Variants in ABHD12B observed in about 807,000 individuals in gnomAD.
ABHD12B encodes abhydrolase domain containing 12B.
ABHD12B carries 42 observed loss-of-function variants against 50.4 expected under a neutral mutation model. That is an observed-to-expected ratio of 0.83 (90% confidence interval 0.65 to 1.08). The LOEUF is 1.08. ABHD12B is among the 50% of genes least tolerant of loss of function. The pLI is 0.00. For missense variants in ABHD12B, 479 were observed against 447.7 expected (o/e 1.07, Z -0.63); for synonymous variants, 167 against 160.3 (o/e 1.04, Z -0.32).
At chr14:50,889,104 T>C (rs2050082936) in intron 9 of ABHD12B, among the ~76,000 whole-genome samples, 1 of 152,234 alleles carries the variant, frequency 6.6e-6, no homozygotes, top group Non-Finnish European at 1.5e-5. Flanking sequence ...GATATTTCCT[T>C]CACTTTCTTC....
chr14:50,904,105 A>C lies in ABHD12B; in HGVS notation c.974A>C (p.Asn325Thr). 6.2e-7 allele frequency: 1 copy of C among 1,614,100 alleles called. No individual in the cohort carries two copies. Among genetic ancestry groups the C allele is most frequent in the East Asian group, 2.2e-5 (1 of 44,882 alleles). Residue 325 changes from asparagine (N) to threonine (T), a missense_variant, in exon 12 of 13, where the codon AAC becomes ACC. Asn to Thr is a moderately conservative substitution (Grantham distance 65). Transcript: ENST00000337334. ...GAAATTGCACGCAATGCATACAGGA[A>C]CAAAGAGAGGGTCAAGATGGTTATC... ...LYEIARNAYRNKERVKMVIFP... is the reference protein window; with the variant it reads ...LYEIARNAYRTKERVKMVIFP...
intron 7 of ABHD12B, among the ~76,000 whole-genome samples, chr14:50,886,177 C>T (rs1007124336): frequency 1.3e-5 from 2 of 152,142 alleles, no homozygotes; most frequent in Non-Finnish European, 2.9e-5. Flanking sequence ...GTAGCTCACA[C>T]CTGTAATTCT....
chr14:50,896,801 C>T lies in ABHD12B; in HGVS notation c.781-5028C>T, dbSNP rs549268904. Among the ~76,000 whole-genome samples, 224 of 152,288 alleles carry T rather than the reference C, an allele frequency of 1.5e-3. 1 individual carries two copies. Among genetic ancestry groups the T allele is most frequent in the Middle Eastern group, 6.8e-3 (2 of 294 alleles). On this transcript the variant is annotated intron_variant, in intron 9 of 12. Coordinates refer to ENST00000337334, the MANE Select transcript of ABHD12B (RefSeq NM_001206673.2). Reference sequence around the variant, plus strand: ...GCTGACTCTCTTTGCGGACTCAGCCCGCCTGCACCCAGGTGAAATAAACAG... The same window carrying T: ...GCTGACTCTCTTTGCGGACTCAGCCTGCCTGCACCCAGGTGAAATAAACAG...
At chr14:50,900,182 A>G (rs1405189831) in intron 9 of ABHD12B, among the ~76,000 whole-genome samples, 1 of 152,198 alleles carries the variant, frequency 6.6e-6, no homozygotes, top group Non-Finnish European at 1.5e-5. Context: ...GCAGTGAGCC[A>G]TGAGCATGCC....
chr14:50,901,857 G>A lies in ABHD12B; in HGVS notation c.809G>A (p.Arg270His), dbSNP rs528682615. 1.1e-4 allele frequency: 174 copies of A among 1,589,914 alleles called. 3 individuals are homozygous for A. In the South Asian group the frequency reaches 1.8e-3, roughly 17 times the overall value. Residue 270 changes from arginine to histidine, a missense_variant, in exon 10 of 13, where the codon CGT (arginine) becomes CAT (histidine). Physicochemically the swap from Arg to His is conservative, Grantham distance 29. Transcript: ENST00000337334. Reference protein sequence around the residue: ...KIYRNIPGFLRTLMDALRKDK... With the variant: ...KIYRNIPGFLHTLMDALRKDK... ...TACCGGAACATTCCAGGATTTTTAC[G>A]TACACTTATGGATGCCCTGAGAAAA...
intron 7 of ABHD12B, 66 bp from the exon 8 acceptor site, chr14:50,886,581 C>T (rs2050040840): frequency 2.1e-6 from 3 of 1,461,446 alleles, no homozygotes; most frequent in East Asian, 4.6e-5. Context: ...ATCAGATGCT[C>T]ATACCAGAAG....
chr14:50,886,837 T>A (rs530173354), intron 8 of ABHD12B, among the ~76,000 whole-genome samples, 153 bp downstream of exon 8: 2 of 152,120 alleles, frequency 1.3e-5, no homozygotes, highest in Non-Finnish European at 2.9e-5. Context: ...TTCTTTTTGA[T>A]CTCCCTTTAA....
intron 9 of ABHD12B, chr14:50,892,877 T>G (rs1474938064): frequency 1.3e-5 from 2 of 152,268 alleles, no homozygotes; most frequent in East Asian, 3.8e-4. Flanking sequence ...TTATTGTGAT[T>G]TCCTCCTTGA....
Position 50,880,115 on chromosome 14 carries a change from T to C in ABHD12B, c.336-337T>C, listed in dbSNP as rs77561909. ...ACTCATGGCAGATGGTAAACATCTA[T>C]TATCTTTTACTTGTTTCCCTTTTTA... On this transcript the variant is annotated intron_variant, in intron 3 of 12. Coordinates refer to ENST00000337334, the MANE Select transcript of ABHD12B (RefSeq NM_001206673.2). Among the ~76,000 whole-genome samples, 751 of 152,348 alleles carry C rather than the reference T, an allele frequency of 4.9e-3. 3 individuals are homozygous for C. The highest frequency in any genetic ancestry group is 8.7e-3 in the Non-Finnish European group (590 of 68,044).
At chr14:50,895,740 T>C (rs1566493270) in intron 9 of ABHD12B, 1 of 152,158 alleles carries the variant, frequency 6.6e-6, no homozygotes, top group Non-Finnish European at 1.5e-5. Context: ...CGTCCCCTTC[T>C]TAATCAATAC....
intron 5 of ABHD12B, among the ~76,000 whole-genome samples, chr14:50,885,215 A>G (rs1400710600): frequency 6.6e-6 from 1 of 152,138 alleles, no homozygotes. Context: ...GAAGTCAAAC[A>G]CCAGATTTCA....
chr14:50,875,483 A>G (rs979152794), intron 1 of ABHD12B, among the ~76,000 whole-genome samples: 6 of 152,246 alleles, frequency 3.9e-5, no homozygotes, highest in African/African-American at 1.4e-4. Flanking sequence ...AGTAAGAATC[A>G]TCCAGTTAGG....
Position 50,904,362 on chromosome 14 carries a change from C to A in ABHD12B, c.1085C>A (p.Ser362Ter). The A allele has an allele frequency of 6.2e-7, 1 of 1,613,882 alleles. No individual in the cohort carries two copies. The highest frequency in any genetic ancestry group is 1.1e-5 in the South Asian group (1 of 91,070). ...TVRDFLSKQW[S>*] ...AGAGATTTCCTGAGCAAGCAGTGGT[C>A]ATGAGTCTGGGAGGAGTGGAAATCT... Residue 362 changes from serine (S) to a stop codon, truncating the protein, a stop_gained, in exon 13 of 13, where the codon TCA (serine) becomes TAA (stop). Coordinates refer to ENST00000337334, the MANE Select transcript of ABHD12B (RefSeq NM_001206673.2). LOFTEE classifies it high-confidence loss of function.
intron 9 of ABHD12B, among the ~76,000 whole-genome samples, chr14:50,894,533 T>C (rs145015242): frequency 0.054 from 8,250 of 151,948 alleles, 741 homozygotes; most frequent in African/African-American, 0.19. Flanking sequence ...TGACCTAAAA[T>C]CTAAATGACT....
At chr14:50,891,033 AAT>A (rs1334908122) in intron 9 of ABHD12B, 1 of 152,102 alleles carries the variant, frequency 6.6e-6, no homozygotes, top group Non-Finnish European at 1.5e-5. Context: ...GGCAACTTTT[AAT>A]ATGTTTATTA....
chr14:50,884,713 T>C (rs879836848), intron 5 of ABHD12B, among the ~76,000 whole-genome samples: 105,303 of 124,968 alleles, frequency 0.84, 43,924 homozygotes, highest in South Asian at 0.93. Flanking sequence ...TTTTTTTTTT[T>C]TTTTTTTTTT....
At chr14:50,874,715 AT>A (rs2049836655) in intron 1 of ABHD12B, among the ~76,000 whole-genome samples, 1 of 152,250 alleles carries the variant, frequency 6.6e-6, no homozygotes, top group Non-Finnish European at 1.5e-5. Context: ...AGTCATTACA[AT>A]CCTAGATAGT....
chr14:50,877,937 C>T lies in ABHD12B; in HGVS notation c.105-15C>T, dbSNP rs557576798. ...TTAATTTCGAAAACCTTGTGTGTTTCCCAATACCTTGCAGATATTTTCCAC... is the reference window on the plus strand; with the variant it reads ...TTAATTTCGAAAACCTTGTGTGTTTTCCAATACCTTGCAGATATTTTCCAC... On this transcript the variant is annotated splice_polypyrimidine_tract_variant and intron_variant, in intron 1 of 12. Coordinates refer to ENST00000337334, the MANE Select transcript of ABHD12B (RefSeq NM_001206673.2). 4 of 1,501,882 alleles carry T rather than the reference C, an allele frequency of 2.7e-6. No homozygotes were observed. The highest frequency in any genetic ancestry group is 4.7e-5 in the Admixed American group (2 of 42,984). The allele number at this position is 1,501,882 out of a possible 1,614,324, so 93.0% of individuals were successfully genotyped here.
rs1371385121 is a variant in ABHD12B, at chr14:50,888,903, G to T, written c.780G>T (p.Lys260Asn). ...CAAGTATCAATTATCCCTTGTTAAA[G>T]GTGAGACTCTGATTCATCTTTACAA... ...WVASINYPLL[K>N]IYRNIPGFLR... The change falls in exon 9 of 13, where the codon AAG becomes AAT. Residue 260 changes from lysine (K) to asparagine (N), a missense_variant and splice_region_variant. Lys to Asn is a moderately conservative substitution (Grantham distance 94, BLOSUM62 0). Coordinates refer to ENST00000337334, the MANE Select transcript of ABHD12B (RefSeq NM_001206673.2). The T allele has an allele frequency of 3.7e-6, 6 of 1,613,704 alleles. No homozygotes were observed. Among genetic ancestry groups the T allele is most frequent in the African/African-American group, 1.3e-5 (1 of 75,008 alleles).
Sources: gnomAD v4.1 joint callset for allele counts (sites outside exome capture counted in the v4.1 genomes callset) on GRCh38, gnomAD v4.1.1 for gene constraint, MANE v1.5 for transcripts, NCBI Gene and HGNC (gene_info 2026-07-23, HGNC 2026-07-21) for gene names.